Variants in SMYD3 observed in about 807,000 individuals in gnomAD.
SMYD3 encodes the protein SET and MYND domain containing 3.
In SMYD3, 36 loss-of-function variants were observed where a neutral mutation model predicts 57.7. The ratio of observed to expected loss-of-function variants is 0.62; its 90% CI spans 0.48 to 0.82. The LOEUF (loss-of-function observed/expected upper bound fraction) is 0.82. Ranked by LOEUF, SMYD3 falls within the 40% of genes least tolerant of loss-of-function variation. The pLI is 0.00. For missense variants in SMYD3, 515 were observed against 538.8 expected, an observed-to-expected ratio of 0.96 and a Z score of 0.44; for synonymous variants, 211 against 195.0, an observed-to-expected ratio of 1.08 and a Z score of -0.68.
intron 10 of SMYD3, among the ~76,000 whole-genome samples, chr1:245,832,174 T>C (rs1257720196): frequency 6.6e-6 from 1 of 152,236 alleles, no homozygotes; most frequent in Non-Finnish European, 1.5e-5. Flanking sequence ...AGGCTGGGTC[T>C]CACCCTTCGG....
chr1:246,314,671 A>T (rs2065128888), intron 5 of SMYD3, among the ~76,000 whole-genome samples: 2 of 152,172 alleles, frequency 1.3e-5, no homozygotes, highest in South Asian at 4.1e-4. Flanking sequence ...AGACAAATCC[A>T]CATACTCAAA....
chr1:246,473,669 ATT>A (rs1300397578), intron 1 of SMYD3, among the ~76,000 whole-genome samples: 8 of 152,190 alleles, frequency 5.3e-5, no homozygotes, highest in Admixed American at 5.2e-4. Flanking sequence ...TTTATGACAT[ATT>A]GTTATTATTA....
intron 5 of SMYD3, among the ~76,000 whole-genome samples, chr1:246,042,121 A>G (rs2059888747): frequency 6.6e-6 from 1 of 152,172 alleles, no homozygotes; most frequent in African/African-American, 2.4e-5. Flanking sequence ...AACTGCAGAA[A>G]GCTTCAAGTT....
intron 7 of SMYD3, among the ~76,000 whole-genome samples, chr1:245,920,251 T>C (rs1441526743): frequency 1.4e-5 from 2 of 141,944 alleles, no homozygotes; most frequent in Non-Finnish European, 3.0e-5. Flanking sequence ...AGGCGGAGCT[T>C]GCAGTGAGAC....
chr1:245,951,583 A>C (rs2057654413), intron 5 of SMYD3, among the ~76,000 whole-genome samples: 1 of 149,138 alleles, frequency 6.7e-6, no homozygotes, highest in Non-Finnish European at 1.5e-5. Context: ...AAAAAAAAAA[A>C]CAATTGCCAT....
chr1:246,264,185 C>A (rs1036292103), intron 5 of SMYD3, among the ~76,000 whole-genome samples: 1 of 152,234 alleles, frequency 6.6e-6, no homozygotes, highest in African/African-American at 2.4e-5. Flanking sequence ...TTTATTCTAT[C>A]ACTTGGGACT....
intron 3 of SMYD3, among the ~76,000 whole-genome samples, chr1:246,332,209 G>A (rs1361442568): frequency 6.6e-6 from 1 of 152,180 alleles, no homozygotes; most frequent in Non-Finnish European, 1.5e-5. Context: ...GCACCAAACA[G>A]CCAAGTTGTC....
chr1:245,983,095 T>C (rs1016126716), intron 5 of SMYD3, among the ~76,000 whole-genome samples: 3 of 152,178 alleles, frequency 2.0e-5, no homozygotes, highest in African/African-American at 7.2e-5. Context: ...TTTCCCCCCA[T>C]GCTACCAGCT....
At chr1:245,865,407 T>C (rs1295631893) in intron 8 of SMYD3, among the ~76,000 whole-genome samples, 1 of 152,088 alleles carries the variant, frequency 6.6e-6, no homozygotes, top group Non-Finnish European at 1.5e-5. Context: ...ATATTCTTCT[T>C]CCCCCCAGGT....
intron 10 of SMYD3, among the ~76,000 whole-genome samples, chr1:245,765,526 G>C (rs2046050214): frequency 6.6e-6 from 1 of 152,182 alleles, no homozygotes; most frequent in African/African-American, 2.4e-5. Context: ...GTATACCCTA[G>C]ATGTCCAGTT....
At position 245,749,500 on chromosome 1, in the gene SMYD3, T is replaced by C. The variant is rs909583805; in HGVS notation, c.*63A>G. On this transcript the variant is annotated 3_prime_UTR_variant, in exon 12 of 12. Coordinates refer to ENST00000490107, the MANE Select transcript of SMYD3 (RefSeq NM_001167740.2). Reference sequence around the variant, plus strand: ...TTCACACAGCTAACAAAGCATAGAGTGTGTGACCTCAATAAGGCATTCAAC... The same window carrying C: ...TTCACACAGCTAACAAAGCATAGAGCGTGTGACCTCAATAAGGCATTCAAC... 11 of 1,237,390 alleles carry C rather than the reference T, an allele frequency of 8.9e-6. No individual in the cohort carries two copies. The highest frequency in any genetic ancestry group is 1.3e-5 in the Non-Finnish European group (11 of 839,128). The allele number at this position is 1,237,390 out of a possible 1,614,324, so 76.7% of individuals were successfully genotyped here.
chr1:245,893,554 A>G (rs998481421), intron 8 of SMYD3, among the ~76,000 whole-genome samples: 6 of 152,242 alleles, frequency 3.9e-5, no homozygotes, highest in African/African-American at 1.4e-4. Context: ...GTTATATATT[A>G]TAAATGTGTG....
chr1:245,835,263 A>G (rs918840754), intron 10 of SMYD3, among the ~76,000 whole-genome samples: 1 of 151,704 alleles, frequency 6.6e-6, no homozygotes, highest in Non-Finnish European at 1.5e-5. Flanking sequence ...GGGACCACAG[A>G]CTTGCGCCAC....
At chr1:245,800,864 C>G (rs999959823) in intron 10 of SMYD3, among the ~76,000 whole-genome samples, 5 of 152,304 alleles carry the variant, frequency 3.3e-5, no homozygotes, top group Middle Eastern at 3.4e-3. Context: ...AGTAATACCA[C>G]CTTCCTGATG....
At chr1:246,362,745 G>A (rs1243043409) in intron 1 of SMYD3, among the ~76,000 whole-genome samples, 1 of 152,276 alleles carries the variant, frequency 6.6e-6, no homozygotes, top group African/African-American at 2.4e-5. Context: ...ATTGCAGACG[G>A]AGTCTCGTTC....
intron 5 of SMYD3, among the ~76,000 whole-genome samples, chr1:246,308,394 C>T (rs2065022339): frequency 6.6e-6 from 1 of 151,940 alleles, no homozygotes; most frequent in East Asian, 1.9e-4. Flanking sequence ...TTTCAATATG[C>T]CATAGAAATA....
At position 246,142,992 on chromosome 1, in the gene SMYD3, A is replaced by G. The variant is rs73141340; in HGVS notation, c.531+184209T>C. On this transcript the variant is annotated intron_variant, in intron 5 of 11. Transcript: ENST00000490107. ...TGCAACCAGCCTCTCTTAATTGTGT[A>G]AGACCCACATGGAATGGTAAGAAAT... Among the ~76,000 whole-genome samples, 1,253 of 152,310 alleles carry G rather than the reference A, an allele frequency of 8.2e-3. 13 individuals are homozygous for G. The highest frequency in any genetic ancestry group is 0.028 in the African/African-American group (1,162 of 41,562).
intron 10 of SMYD3, among the ~76,000 whole-genome samples, chr1:245,858,242 T>A (rs989682998): frequency 1.3e-5 from 2 of 152,194 alleles, no homozygotes; most frequent in African/African-American, 4.8e-5. Flanking sequence ...CTGCTCCAGA[T>A]AGAGACAGCA....
intron 5 of SMYD3, among the ~76,000 whole-genome samples, chr1:245,981,495 GT>G (rs1242696038): frequency 6.6e-6 from 1 of 152,230 alleles, no homozygotes; most frequent in African/African-American, 2.4e-5. Context: ...CATTAGAAAT[GT>G]TTTAAAGGAA....
Sources: gnomAD v4.1 joint callset for allele counts (sites outside exome capture counted in the v4.1 genomes callset) on GRCh38, gnomAD v4.1.1 for gene constraint, MANE v1.5 for transcripts, NCBI Gene and HGNC (gene_info 2026-07-23, HGNC 2026-07-21) for gene names.